The following ZNF468 variants were observed in gnomAD, a reference collection of about 807,000 sequenced individuals.
ZNF468 encodes the protein zinc finger protein 468, also known as zinc finger protein ZNF468.
ZNF468 carries 8 observed loss-of-function variants against 7.2 expected under a neutral mutation model. The observed-to-expected ratio is 1.11, with a 90% CI of 0.65 to 2.01. ZNF468 has a LOEUF of 2.01. Ranked by LOEUF, ZNF468 falls within the 30% of genes most tolerant of loss-of-function variation. The probability of loss-of-function intolerance (pLI) is 0.00; values close to 1 mark genes in which losing one functional copy is unlikely to be tolerated. For missense variants in ZNF468, 608 were observed against 626.5 expected, an observed-to-expected ratio of 0.97 and a Z score of 0.31; for synonymous variants, 218 against 214.4, an observed-to-expected ratio of 1.02 and a Z score of -0.15.
In ZNF468 at chr19:52,839,633, A is replaced by G. The variant is rs540351776; in HGVS notation, c.*1092T>C. On this transcript the variant is annotated 3_prime_UTR_variant, in exon 4 of 4. Transcript: ENST00000595646. Reference sequence around the variant, plus strand: ...GATGACATTTGTAAGATTTCTGTCCAGCATGGATTCTCTGATGTCTAATGA... The same window carrying G: ...GATGACATTTGTAAGATTTCTGTCCGGCATGGATTCTCTGATGTCTAATGA... 1.3e-4 allele frequency: 72 copies of G among 550,562 alleles called. 1 individual carries two copies. The highest frequency in any genetic ancestry group is 1.2e-3 in the African/African-American group (64 of 52,502). 34.1% of individuals were successfully genotyped at this position (550,562 alleles called of 1,614,324 possible).
chr19:52,842,087 G>T lies in ZNF468; in HGVS notation c.207C>A (p.Ile69=). 1 of 1,613,178 alleles carries T rather than the reference G, an allele frequency of 6.2e-7. No individual in the cohort carries two copies. Residue 69 remains isoleucine (I), a synonymous_variant, in exon 4 of 4, where the codon ATC becomes ATA. Coordinates refer to ENST00000595646, the MANE Select transcript of ZNF468 (RefSeq NM_001008801.2). ...SSTGQGNTEV[I]HTGTLHRQAS... is the part of the protein sequence containing the mutation. The stretch of plus-strand genomic sequence containing the variant: ...CTTGTCTGTGCAATGTCCCTGTGTG[G>T]ATCACTTCTGTATTGCCTTGCCCTG...
chr19:52,854,454 C>T (rs2063418970), intron 1 of ZNF468, 109 bp from the exon 2 acceptor site: 2 of 1,155,472 alleles, frequency 1.7e-6, no homozygotes, highest in East Asian at 2.6e-5. Context: ...GTCCCCTCTG[C>T]TGCCCACTGC....
At chr19:52,855,699 T>C (rs1435055332) in intron 1 of ZNF468, among the ~76,000 whole-genome samples, 2 of 150,468 alleles carry the variant, frequency 1.3e-5, no homozygotes, top group Non-Finnish European at 3.0e-5. Context: ...TTTTTTTTTT[T>C]CATTTTTGGG....
chr19:52,853,265 G>A (rs2063405664), intron 2 of ZNF468, among the ~76,000 whole-genome samples: 1 of 152,150 alleles, frequency 6.6e-6, no homozygotes, highest in Non-Finnish European at 1.5e-5. Flanking sequence ...GCTGGAAGGA[G>A]GGTGGAGGAT....
Position 52,838,843 on chromosome 19 carries a change from A to C in ZNF468, c.*1882T>G, listed in dbSNP as rs1243755583. On this transcript the variant is annotated 3_prime_UTR_variant, in exon 4 of 4. Transcript: ENST00000595646. ...TCAAAATGATTAAAAACATGTATAAATAGATATAAATCCCATACTGATTGG... is the reference window on the plus strand; with the variant it reads ...TCAAAATGATTAAAAACATGTATAACTAGATATAAATCCCATACTGATTGG... 1 of 152,204 alleles carries C rather than the reference A, an allele frequency of 6.6e-6. No individual in the cohort carries two copies. The highest frequency in any genetic ancestry group is 1.5e-5 in the Non-Finnish European group (1 of 68,040). The allele number at this position is 152,204 out of a possible 1,614,324, so 9.4% of individuals were successfully genotyped here. A position where few individuals can be genotyped will look rare whatever the true frequency, so the allele number is the denominator to read the frequency against.
chr19:52,852,512 A>G (rs559140164), intron 2 of ZNF468, among the ~76,000 whole-genome samples: 1 of 151,996 alleles, frequency 6.6e-6, no homozygotes, highest in African/African-American at 2.4e-5. Flanking sequence ...CGTCTCTAGT[A>G]AAAATACAAA....
In ZNF468 at chr19:52,849,075, A is replaced by G. The variant is rs1455927261; in HGVS notation, c.142+12T>C. 2 of 1,613,436 alleles carry G rather than the reference A, an allele frequency of 1.2e-6. No homozygotes were observed. The highest frequency in any genetic ancestry group is 1.7e-6 in the Non-Finnish European group (2 of 1,179,698). On this transcript the variant is annotated intron_variant, in intron 3 of 3. Coordinates refer to ENST00000595646, the MANE Select transcript of ZNF468 (RefSeq NM_001008801.2). Reference sequence around the variant, plus strand: ...CACAAGGGCACATCCCCAGGAGGGAAGTTATCCTCACCCAGGGAGACGAGG... The same window carrying G: ...CACAAGGGCACATCCCCAGGAGGGAGGTTATCCTCACCCAGGGAGACGAGG...
chr19:52,854,963 C>T lies in ZNF468; in HGVS notation c.-73-618G>A, dbSNP rs181265523. Among the ~76,000 whole-genome samples, 18 of 152,032 alleles carry T rather than the reference C, an allele frequency of 1.2e-4. No homozygotes were observed. In the East Asian group the frequency reaches 2.9e-3, roughly 25 times the overall value. On this transcript the variant is annotated intron_variant, in intron 1 of 3. Coordinates refer to ENST00000595646, the MANE Select transcript of ZNF468 (RefSeq NM_001008801.2). ...CTTGAACCTGCGCGACCCGAGATCG[C>T]GCCACTGCACTCCTGCCTGGGTGAC...
intron 3 of ZNF468, among the ~76,000 whole-genome samples, chr19:52,842,393 C>CACGT (rs1438257485): frequency 6.6e-6 from 1 of 150,480 alleles, no homozygotes; most frequent in Admixed American, 6.6e-5. Flanking sequence ...AGGGCACAAA[C>CACGT]ACGTGTGAGT....
At chr19:52,849,296 A>G in intron 2 of ZNF468, 83 bp from the exon 3 acceptor site, 1 of 1,603,530 alleles carries the variant, frequency 6.2e-7, no homozygotes, top group South Asian at 1.1e-5. Context: ...GAGAGGGGAA[A>G]GCATGGATTT....
chr19:52,850,626 G>A (rs186278326), intron 2 of ZNF468, among the ~76,000 whole-genome samples: 5 of 152,194 alleles, frequency 3.3e-5, no homozygotes, highest in Admixed American at 2.0e-4. Flanking sequence ...TGGGCCGGGC[G>A]CGGTGGCTCA....
chr19:52,849,079 ATCCT>A lies in ZNF468; in HGVS notation c.142+4_142+7del, dbSNP rs2063362725. ...AGGGCACATCCCCAGGAGGGAAGTT[ATCCT>A]CACCCAGGGAGACGAGGTTCCTATA... On this transcript the variant is annotated splice_donor_5th_base_variant and intron_variant, in intron 3 of 3. Coordinates refer to ENST00000595646, the MANE Select transcript of ZNF468 (RefSeq NM_001008801.2). 1 of 1,613,490 alleles carries A rather than the reference ATCCT, an allele frequency of 6.2e-7. No individual in the cohort carries two copies. Among genetic ancestry groups the A allele is most frequent in the Non-Finnish European group, 8.5e-7 (1 of 1,179,774 alleles).
intron 3 of ZNF468, among the ~76,000 whole-genome samples, chr19:52,847,832 C>T (rs1446062945): frequency 2.0e-5 from 3 of 152,116 alleles, no homozygotes; most frequent in Non-Finnish European, 4.4e-5. Flanking sequence ...CTGCTACACT[C>T]CCCTTGCTAA....
chr19:52,856,991 G>A (rs2063445969), intron 1 of ZNF468, among the ~76,000 whole-genome samples: 1 of 152,050 alleles, frequency 6.6e-6, no homozygotes, highest in South Asian at 2.1e-4. Context: ...TGCTGGAGCT[G>A]GGCGGGCAAG....
Position 52,841,292 on chromosome 19 carries a change from C to T in ZNF468, c.1002G>A (p.Glu334=). The T allele has an allele frequency of 1.2e-6, 2 of 1,613,068 alleles. No homozygotes were observed. Among genetic ancestry groups the T allele is most frequent in the South Asian group, 1.1e-5 (1 of 91,042 alleles). The part of the protein sequence containing the change: ...EKPYKCKVCD[E]AFAYNSYLAK... The stretch of plus-strand genomic sequence containing the variant: ...CCAGATATGAATTATATGCGAAAGC[C>T]TCATCACAAACCTTACATTTGTATG... Residue 334 remains glutamate (E), a synonymous_variant, in exon 4 of 4, where the codon GAG becomes GAA. Coordinates refer to ENST00000595646, the MANE Select transcript of ZNF468 (RefSeq NM_001008801.2).
At position 52,838,183 on chromosome 19, in the gene ZNF468, T is replaced by C. The variant is rs2063264637; in HGVS notation, c.*2542A>G. The stretch of plus-strand genomic sequence containing the variant: ...ATGCAAGTGCCACTTATTTCTGGGA[T>C]GCAAGGATGGTTCAACATAGTCAAG... On this transcript the variant is annotated 3_prime_UTR_variant, in exon 4 of 4. Transcript: ENST00000595646. The C allele has an allele frequency of 6.6e-6, 1 of 152,214 alleles. No homozygotes were observed. Among genetic ancestry groups the C allele is most frequent in the Admixed American group, 6.5e-5 (1 of 15,274 alleles). The allele number at this position is 152,214 out of a possible 1,614,324, so 9.4% of individuals were successfully genotyped here. A position where few individuals can be genotyped will look rare whatever the true frequency, so the allele number is the denominator to read the frequency against.
Position 52,841,087 on chromosome 19 carries a change from T to C in ZNF468, c.1207A>G (p.Arg403Gly). 6.2e-7 allele frequency: 1 copy of C among 1,613,044 alleles called. No individual in the cohort carries two copies. The highest frequency in any genetic ancestry group is 1.1e-5 in the South Asian group (1 of 91,064). Residue 403 changes from arginine to glycine, a missense_variant, in exon 4 of 4, where the codon AGG (arginine) becomes GGG (glycine). Arg to Gly is a moderately radical substitution (Grantham distance 125). Transcript: ENST00000595646. ...TAAGGTTTCTCTCCACTATGAATCC[T>C]CCTATGTCTTTCAAGGTGTGATTTG... is the stretch of plus-strand genomic sequence containing the variant. The part of the protein sequence containing the change: ...SRKSHLERHR[R>G]IHSGEKPYKC...
At chr19:52,854,914 CG>C (rs2063423555) in intron 1 of ZNF468, among the ~76,000 whole-genome samples, 1 of 152,016 alleles carries the variant, frequency 6.6e-6, no homozygotes, top group Non-Finnish European at 1.5e-5. Flanking sequence ...CCCAGCTACT[CG>C]GGAGGCTGAG....
chr19:52,843,846 G>C (rs571444145), intron 3 of ZNF468, among the ~76,000 whole-genome samples: 17 of 152,240 alleles, frequency 1.1e-4, no homozygotes, highest in Admixed American at 1.1e-3. Context: ...TAGCGGCCGG[G>C]TGCAGTGGCA....
Sources: gnomAD v4.1 joint callset for allele counts (sites outside exome capture counted in the v4.1 genomes callset) on GRCh38, gnomAD v4.1.1 for gene constraint, MANE v1.5 for transcripts, NCBI Gene and HGNC (gene_info 2026-07-23, HGNC 2026-07-21) for gene names.